Variants in RPA3 observed in about 807,000 individuals in gnomAD.
The protein encoded by RPA3 is replication protein A3, also known as replication protein A 14 kDa subunit.
Under a neutral mutation model 13.7 loss-of-function variants are expected in RPA3, and 24 were observed. That is an observed-to-expected ratio of 1.75 (90% CI 1.27 to 2.46). The LOEUF (loss-of-function observed/expected upper bound fraction) is 2.46. Ranked by LOEUF, RPA3 falls within the 30% of genes most tolerant of loss-of-function variation. The probability of loss-of-function intolerance (pLI) is 0.00; values close to 1 mark genes in which losing one functional copy is unlikely to be tolerated. For synonymous variants in RPA3, 59 were observed against 51.2 expected (o/e 1.15, Z -0.65); for missense variants, 183 against 151.0 (o/e 1.21, Z -1.11).
At chr7:7,700,196 C>A (rs1780425640) in intron 2 of RPA3, among the ~76,000 whole-genome samples, 1 of 152,084 alleles carries the variant, frequency 6.6e-6, no homozygotes, top group African/African-American at 2.4e-5. Flanking sequence ...CTGGTGAGGG[C>A]CTTCTTTCTG....
intron 4 of RPA3, among the ~76,000 whole-genome samples, chr7:7,659,692 G>A (rs1785427945): frequency 6.6e-6 from 1 of 152,090 alleles, no homozygotes; most frequent in South Asian, 2.1e-4. Context: ...CCGTTCTTTT[G>A]CATTTCCTGA....
rs28916310 is a variant in RPA3 at position 7,638,025 on chromosome 7, A to G, written c.175-53T>C. On this transcript the variant is annotated intron_variant, in intron 6 of 7. Transcript: ENST00000223129. ...GGTGATATCACATTTTCAGTTGACA[A>G]TTATTTTGGAAAACTGTTATACAGG... The G allele has an allele frequency of 6.4e-4, 907 of 1,411,938 alleles. 15 individuals are homozygous for G. In the East Asian group the frequency reaches 0.017, roughly 26 times the overall value. The allele number at this position is 1,411,938 out of a possible 1,614,324, so 87.5% of individuals were successfully genotyped here. A position where few individuals can be genotyped will look rare whatever the true frequency, so the allele number is the denominator to read the frequency against.
chr7:7,675,807 G>A (rs189372084), intron 4 of RPA3, among the ~76,000 whole-genome samples: 3 of 152,290 alleles, frequency 2.0e-5, no homozygotes, highest in African/African-American at 7.2e-5. Flanking sequence ...AGTGCAGCTG[G>A]TGCTGTACCT....
chr7:7,689,883 A>G (rs1436844290), intron 2 of RPA3, among the ~76,000 whole-genome samples: 1 of 152,226 alleles, frequency 6.6e-6, no homozygotes, highest in Non-Finnish European at 1.5e-5. Context: ...GCTAGTGATT[A>G]ACAACCATAG....
intron 4 of RPA3, among the ~76,000 whole-genome samples, chr7:7,665,403 C>T (rs1779418412): frequency 6.6e-6 from 1 of 152,080 alleles, no homozygotes; most frequent in Admixed American, 6.5e-5. Flanking sequence ...AAACATTTTG[C>T]TTTTTATATA....
At chr7:7,702,146 A>T (rs1780478286) in intron 2 of RPA3, among the ~76,000 whole-genome samples, 2 of 152,224 alleles carry the variant, frequency 1.3e-5, no homozygotes, top group South Asian at 4.1e-4. Flanking sequence ...TGTGATTGCA[A>T]GGAGGATTTT....
At chr7:7,685,434 C>G in intron 4 of RPA3, among the ~76,000 whole-genome samples, 1 of 151,758 alleles carries the variant, frequency 6.6e-6, no homozygotes, top group East Asian at 1.9e-4. Context: ...CTCAGCCTTC[C>G]GAGTAGCTGG....
intron 2 of RPA3, among the ~76,000 whole-genome samples, chr7:7,714,641 A>T (rs1780847065): frequency 6.6e-6 from 1 of 152,152 alleles, no homozygotes; most frequent in African/African-American, 2.4e-5. Flanking sequence ...GGTTGTGTAC[A>T]ATGTATTATA....
intron 4 of RPA3, among the ~76,000 whole-genome samples, chr7:7,657,604 C>G (rs1409547594): frequency 6.6e-6 from 1 of 151,968 alleles, no homozygotes; most frequent in Non-Finnish European, 1.5e-5. Flanking sequence ...TCAGGTATGT[C>G]AAAGATCAGA....
intron 2 of RPA3, among the ~76,000 whole-genome samples, chr7:7,713,857 G>GTC (rs1306744423): frequency 6.6e-6 from 1 of 151,902 alleles, no homozygotes; most frequent in Non-Finnish European, 1.5e-5. Context: ...TAGAGGCAGG[G>GTC]TCTCACTCTG....
intron 4 of RPA3, among the ~76,000 whole-genome samples, chr7:7,650,145 T>G (rs1365150404): frequency 6.6e-6 from 1 of 152,234 alleles, no homozygotes; most frequent in East Asian, 1.9e-4. Context: ...CTTTTCCCAA[T>G]TTTTATGCTG....
At chr7:7,698,591 C>T (rs1490339813) in intron 2 of RPA3, among the ~76,000 whole-genome samples, 1 of 151,964 alleles carries the variant, frequency 6.6e-6, no homozygotes, top group East Asian at 1.9e-4. Context: ...ACTGGAGATC[C>T]TGTTTAGGCA....
Position 7,640,344 on chromosome 7 carries a change from G to C in RPA3, c.75C>G (p.Val25=). ...CCTTTTCCAGCCTCCCTACGAAGCA[G>C]ACAGGCTTGTCGATGAATTGAGCTA... ...GMLAQFIDKP[V]CFVGRLEKIH... Residue 25 remains valine (V), a synonymous_variant, in exon 5 of 8, where the codon GTC becomes GTG. Transcript: ENST00000223129. The C allele has an allele frequency of 6.2e-7, 1 of 1,614,102 alleles. No individual in the cohort carries two copies. The highest frequency in any genetic ancestry group is 1.1e-5 in the South Asian group (1 of 91,076).
At chr7:7,684,439 C>T (rs1317849325) in intron 4 of RPA3, among the ~76,000 whole-genome samples, 2 of 152,022 alleles carry the variant, frequency 1.3e-5, no homozygotes, top group Middle Eastern at 3.4e-3. Context: ...GAACTTCTGG[C>T]CTTGAGTGAT....
intron 2 of RPA3, among the ~76,000 whole-genome samples, chr7:7,691,578 C>T (rs760401471): frequency 6.6e-6 from 1 of 152,186 alleles, no homozygotes; most frequent in Non-Finnish European, 1.5e-5. Flanking sequence ...TTTTCTTTCT[C>T]ATCTTACGCA....
intron 4 of RPA3, chr7:7,673,283 G>C: frequency 8.8e-7 from 1 of 1,137,814 alleles, no homozygotes; most frequent in Non-Finnish European, 1.3e-6. Context: ...ATCTGAATTT[G>C]ACATTGTGTA....
chr7:7,679,758 A>G (rs1015917951), intron 4 of RPA3, among the ~76,000 whole-genome samples: 2 of 148,160 alleles, frequency 1.3e-5, no homozygotes, highest in African/African-American at 2.5e-5. Flanking sequence ...AGAGGCAATA[A>G]CTCACTATGT....
intron 2 of RPA3, among the ~76,000 whole-genome samples, chr7:7,710,993 G>A (rs11773013): frequency 0.41 from 62,160 of 151,936 alleles, 13,127 homozygotes; most frequent in Middle Eastern, 0.54. Context: ...TGACCAAACT[G>A]TACACAAAAA....
intron 4 of RPA3, among the ~76,000 whole-genome samples, chr7:7,672,022 T>C (rs78730866): frequency 6.6e-6 from 1 of 152,194 alleles, no homozygotes; most frequent in African/African-American, 2.4e-5. Flanking sequence ...GTTCATATCC[T>C]TCTCTGATCT....
Sources: allele counts gnomAD v4.1 joint callset (sites outside exome capture counted in the v4.1 genomes callset), GRCh38; gene constraint gnomAD v4.1.1; transcripts MANE v1.5; gene names NCBI Gene and HGNC (gene_info 2026-07-23, HGNC 2026-07-21).